PTK2: variants seen among roughly 807,000 people sequenced by gnomAD.
The protein encoded by PTK2 is focal adhesion kinase 1.
PTK2 carries 45 observed loss-of-function variants against 150.1 expected under a neutral mutation model. The ratio of observed to expected loss-of-function variants is 0.30; its 90% CI spans 0.24 to 0.38. The LOEUF is 0.38. Ranked by LOEUF, PTK2 falls within the 10% of genes least tolerant of loss-of-function variation. The pLI is 1.00. For synonymous variants in PTK2, 432 were observed against 449.2 expected (o/e 0.96, Z 0.48); for missense variants, 919 against 1,307.3 (o/e 0.70, Z 4.58).
chr8:140,668,675 T>C (rs1436904393), intron 29 of PTK2: 3 of 334,760 alleles, frequency 9.0e-6, no homozygotes, highest in Non-Finnish European at 1.1e-5. Flanking sequence ...ATACATATTA[T>C]ACTAAAAACC....
intron 1 of PTK2, among the ~76,000 whole-genome samples, chr8:140,936,409 G>A (rs973895043): frequency 1.3e-5 from 2 of 152,108 alleles, no homozygotes; most frequent in African/African-American, 2.4e-5. Context: ...TAAAACACAG[G>A]AGGAGGGGCC....
At chr8:140,700,524 C>T (rs2100029626) in intron 26 of PTK2, among the ~76,000 whole-genome samples, 1 of 151,446 alleles carries the variant, frequency 6.6e-6, no homozygotes, top group African/African-American at 2.4e-5. Context: ...TCACTCGTCG[C>T]CCAGGCTGGA....
intron 21 of PTK2, among the ~76,000 whole-genome samples, chr8:140,738,197 A>G (rs751459863): frequency 1.3e-5 from 2 of 152,178 alleles, no homozygotes; most frequent in Non-Finnish European, 2.9e-5. Context: ...TAGGAAAGGT[A>G]AAGAAAGGAA....
intron 27 of PTK2, among the ~76,000 whole-genome samples, chr8:140,686,239 A>AGGGTGGAGGGT: frequency 6.6e-6 from 1 of 152,076 alleles, no homozygotes; most frequent in Non-Finnish European, 1.5e-5. Context: ...GGCCCACTTG[A>AGGGTGGAGGGT]GGGTGGAGGG....
At chr8:140,932,612 T>C (rs1305039393) in intron 1 of PTK2, among the ~76,000 whole-genome samples, 5 of 152,242 alleles carry the variant, frequency 3.3e-5, no homozygotes, top group Non-Finnish European at 7.3e-5. Context: ...CAGCAAACTC[T>C]TGAATTCATA....
At chr8:140,976,552 C>CA (rs2100189319) in intron 1 of PTK2, among the ~76,000 whole-genome samples, 1 of 152,240 alleles carries the variant, frequency 6.6e-6, no homozygotes, top group Admixed American at 6.5e-5. Context: ...GCTGCAGTCA[C>CA]AGCATGAACT....
intron 23 of PTK2, among the ~76,000 whole-genome samples, chr8:140,717,115 C>CA (rs1230509982): frequency 2.0e-5 from 3 of 152,312 alleles, no homozygotes; most frequent in Non-Finnish European, 4.4e-5. Context: ...TCTTTCCCAA[C>CA]AAACAACCCA....
intron 25 of PTK2, 59 bp from the exon 29 acceptor site, chr8:140,701,081 C>G: frequency 6.6e-7 from 1 of 1,520,292 alleles, no homozygotes; most frequent in East Asian, 2.3e-5. Flanking sequence ...TATGCTCTTA[C>G]CTTGTTTTAT....
chr8:140,850,092 T>C (rs1388662424), intron 5 of PTK2, among the ~76,000 whole-genome samples: 1 of 139,286 alleles, frequency 7.2e-6, no homozygotes, highest in African/African-American at 2.5e-5. Context: ...ATTTGCAAGA[T>C]CCTTCCAAAA....
intron 4 of PTK2, among the ~76,000 whole-genome samples, chr8:140,876,698 T>C (rs2100145727): frequency 6.6e-6 from 1 of 152,216 alleles, no homozygotes; most frequent in Admixed American, 6.5e-5. Context: ...TCATGTTACA[T>C]AGACTTGCAT....
chr8:140,966,106 C>T (rs557554923), intron 1 of PTK2, among the ~76,000 whole-genome samples: 16 of 152,324 alleles, frequency 1.1e-4, no homozygotes, highest in African/African-American at 3.8e-4. Context: ...TATTCTGACA[C>T]TCTTGGAACT....
intron 1 of PTK2, among the ~76,000 whole-genome samples, chr8:140,994,235 G>A (rs934500248): frequency 6.6e-6 from 1 of 152,208 alleles, no homozygotes; most frequent in African/African-American, 2.4e-5. Flanking sequence ...TGCTAAGGGG[G>A]AGGACAGTGC....
chr8:140,742,678 T>G (rs1056362395), intron 20 of PTK2, among the ~76,000 whole-genome samples: 26 of 152,176 alleles, frequency 1.7e-4, no homozygotes, highest in Non-Finnish European at 3.1e-4. Flanking sequence ...TCTCTTCCTA[T>G]TTTTTTGCCC....
chr8:140,887,178 A>G (rs1208844132), intron 3 of PTK2, among the ~76,000 whole-genome samples: 1 of 152,162 alleles, frequency 6.6e-6, no homozygotes, highest in Non-Finnish European at 1.5e-5. Context: ...GTACCTGGGG[A>G]GGTCCACAGG....
intron 14 of PTK2, among the ~76,000 whole-genome samples, chr8:140,779,091 T>C (rs2100080159): frequency 6.6e-6 from 1 of 151,608 alleles, no homozygotes; most frequent in African/African-American, 2.4e-5. Context: ...TGAAACCCCG[T>C]CGCTACTAAA....
chr8:140,702,893 G>C lies in PTK2; in HGVS notation c.2230-186C>G, dbSNP rs544160976. Among the ~76,000 whole-genome samples, 6 of 152,334 alleles carry C rather than the reference G, an allele frequency of 3.9e-5. No homozygotes were observed. In the East Asian group the frequency reaches 1.2e-3, roughly 29 times the overall value. On this transcript the variant is annotated intron_variant, in intron 24 of 31. Transcript: ENST00000522684. Reference sequence around the variant, plus strand: ...TTCCTTACGTGGCAAAAGAGACTTTGCAGATGTGGTTATAAGTCAAGGACC... The same window carrying C: ...TTCCTTACGTGGCAAAAGAGACTTTCCAGATGTGGTTATAAGTCAAGGACC...
intron 29 of PTK2, among the ~76,000 whole-genome samples, chr8:140,671,887 G>C (rs1370491895): frequency 7.2e-6 from 1 of 139,158 alleles, no homozygotes; most frequent in African/African-American, 2.6e-5. Context: ...AGCCAAGATC[G>C]CACCACTGCA....
At chr8:140,694,932 G>A (rs1426855866) in intron 26 of PTK2, among the ~76,000 whole-genome samples, 2 of 152,186 alleles carry the variant, frequency 1.3e-5, no homozygotes, top group Admixed American at 6.5e-5. Flanking sequence ...GAGGGTCAGG[G>A]TGGCCCTCAC....
intron 23 of PTK2, among the ~76,000 whole-genome samples, chr8:140,707,217 G>A (rs1199170219): frequency 6.6e-6 from 1 of 152,128 alleles, no homozygotes; most frequent in Non-Finnish European, 1.5e-5. Flanking sequence ...ACTGCTAATG[G>A]GTGAAGGATT....
Sources: allele counts gnomAD v4.1 joint callset (sites outside exome capture counted in the v4.1 genomes callset), GRCh38; gene constraint gnomAD v4.1.1; transcripts MANE v1.5; gene names NCBI Gene and HGNC (gene_info 2026-07-23, HGNC 2026-07-21).